Variants in PAM16 observed in about 807,000 individuals in gnomAD.
The protein encoded by PAM16 is presequence translocase associated motor 16.
In PAM16, 11 loss-of-function variants were observed where a neutral mutation model predicts 17.9. The observed-to-expected ratio is 0.62, with a 90% CI of 0.39 to 1.02. The LOEUF (loss-of-function observed/expected upper bound fraction) is 1.02. Among genes scored for constraint, PAM16 ranks in the 50% least tolerant of loss-of-function variants. The pLI, the probability that PAM16 is intolerant of heterozygous loss-of-function variation, is 0.01. For synonymous variants in PAM16, 72 were observed against 67.4 expected, an observed-to-expected ratio of 1.07 and a Z score of -0.34; for missense variants, 199 against 165.4, an observed-to-expected ratio of 1.20 and a Z score of -1.11.
chr16:4,341,552 C>A (rs1290767871), intron 2 of PAM16, 48 bp from the exon 3 acceptor site: 2 of 1,550,140 alleles, frequency 1.3e-6, no homozygotes, highest in African/African-American at 2.7e-5. Flanking sequence ...GCCCACACTT[C>A]ACCCTGGGCC....
intron 1 of PAM16, 97 bp downstream of exon 1, chr16:4,351,135 A>ACGGCGCC (rs1387328539): frequency 1.9e-5 from 12 of 634,122 alleles, no homozygotes; most frequent in Non-Finnish European, 2.7e-5. Context: ...CAGGGGGCGC[A>ACGGCGCC]CGGCGCCCGC....
Position 4,340,399 on chromosome 16 carries a change from G to A in PAM16, c.298C>T (p.Arg100Cys), listed in dbSNP as rs558716310. 23 of 1,611,816 alleles carry A rather than the reference G, an allele frequency of 1.4e-5. No individual in the cohort carries two copies. Among genetic ancestry groups the A allele is most frequent in the South Asian group, 4.4e-5 (4 of 91,070 alleles). Residue 100 changes from arginine to cysteine, a missense_variant, in exon 5 of 5, where the codon CGC (arginine) becomes TGC (cysteine). Arg to Cys is a radical substitution (Grantham distance 180, BLOSUM62 -3). Coordinates refer to ENST00000318059, the MANE Select transcript of PAM16 (RefSeq NM_016069.11). ...GSFYLQSKVV[R>C]AKERLDEELK... ...TCCTCATCCAGGCGCTCCTTTGCGC[G>A]GACCACCTAGTGGGTCACGGATAAT...
intron 2 of PAM16, among the ~76,000 whole-genome samples, chr16:4,342,392 C>T (rs1468351081): frequency 1.3e-5 from 2 of 151,678 alleles, no homozygotes; most frequent in East Asian, 1.9e-4. Context: ...CGGTGGCTCA[C>T]GCCTGTAATC....
At position 4,340,308 on chromosome 16, in the gene PAM16, G is replaced by C. The variant is rs754948190; in HGVS notation, c.*11C>G. The C allele has an allele frequency of 1.2e-6, 2 of 1,605,826 alleles. No individual in the cohort carries two copies. Among genetic ancestry groups the C allele is most frequent in the East Asian group, 4.5e-5 (2 of 44,660 alleles). On this transcript the variant is annotated 3_prime_UTR_variant, in exon 5 of 5. Transcript: ENST00000318059. The stretch of plus-strand genomic sequence containing the variant: ...TTAGAGGCGGCGGGGTGGGCGGGGG[G>C]AGCCGAGCAGTCACGTATGGGGCAT...
At position 4,350,296 on chromosome 16, in the gene PAM16, ATG is replaced by A. The variant is rs201469434; in HGVS notation, c.3+934_3+935del. Among the ~76,000 whole-genome samples the A allele has an allele frequency of 3.8e-4, 57 of 149,580 alleles. 1 individual carries two copies. Among genetic ancestry groups the A allele is most frequent in the Non-Finnish European group, 1.9e-4 (13 of 67,556 alleles). ...TGCCTGGCTAACATATGTATATATTATGTGTGTGTGTGTGTATATATATATAT... is the reference window on the plus strand; with the variant it reads ...TGCCTGGCTAACATATGTATATATTATGTGTGTGTGTGTATATATATATAT... On this transcript the variant is annotated intron_variant, in intron 1 of 4. Coordinates refer to ENST00000318059, the MANE Select transcript of PAM16 (RefSeq NM_016069.11).
chr16:4,345,886 C>T, intron 1 of PAM16: 3 of 985,224 alleles, frequency 3.0e-6, no homozygotes, highest in Non-Finnish European at 3.6e-6. Flanking sequence ...GTCAGAGGGT[C>T]CCCTCGGCTT....
rs146827390 is a variant in PAM16 at position 4,343,771 on chromosome 16, G to T, written c.4-480C>A. 2,089 of 409,268 alleles carry T rather than the reference G, an allele frequency of 5.1e-3. 9 individuals carry two copies. The highest frequency in any genetic ancestry group is 9.6e-3 in the Admixed American group (224 of 23,344). The allele number at this position is 409,268 out of a possible 1,614,324, so 25.4% of individuals were successfully genotyped here. ...GATCTGTCCTAATTCTCCCAAGTCC[G>T]AAGACTTTAAGTCCATTCCATTCAA... On this transcript the variant is annotated intron_variant, in intron 1 of 4. Coordinates refer to ENST00000318059, the MANE Select transcript of PAM16 (RefSeq NM_016069.11).
chr16:4,346,486 A>G (rs1410020004), intron 1 of PAM16, among the ~76,000 whole-genome samples: 1 of 152,222 alleles, frequency 6.6e-6, no homozygotes, highest in Non-Finnish European at 1.5e-5. Context: ...TGAAGTAACA[A>G]AGCTTCTTTC....
At chr16:4,341,870 C>A (rs754314492) in intron 2 of PAM16, among the ~76,000 whole-genome samples, 1 of 152,186 alleles carries the variant, frequency 6.6e-6, no homozygotes, top group Non-Finnish European at 1.5e-5. Flanking sequence ...GAGGGCTCTG[C>A]AGGGGCCCAG....
intron 1 of PAM16, 40 bp downstream of exon 1, chr16:4,351,192 T>G: frequency 2.3e-6 from 3 of 1,287,630 alleles, no homozygotes; most frequent in Non-Finnish European, 3.0e-6. Flanking sequence ...CCGGCCCGAC[T>G]CGGCTTCCCC....
Position 4,340,418 on chromosome 16 carries a change from G to A in PAM16, c.292-13C>T, listed in dbSNP as rs369043553. On this transcript the variant is annotated splice_polypyrimidine_tract_variant and intron_variant, in intron 4 of 4. Transcript: ENST00000318059. ...TTGCGCGGACCACCTAGTGGGTCAC[G>A]GATAATCAGGCCGGGAGGCCAAGCC... 19 of 1,609,254 alleles carry A rather than the reference G, an allele frequency of 1.2e-5. No individual in the cohort carries two copies. Among genetic ancestry groups the A allele is most frequent in the Non-Finnish European group, 1.4e-5 (16 of 1,178,636 alleles).
chr16:4,349,373 G>C (rs2053811277), intron 1 of PAM16, among the ~76,000 whole-genome samples: 2 of 152,148 alleles, frequency 1.3e-5, no homozygotes. Context: ...TTTGAGACCA[G>C]CCTGGCAACA....
At chr16:4,341,317 C>A in intron 3 of PAM16, 51 bp downstream of exon 3, 1 of 1,538,286 alleles carries the variant, frequency 6.5e-7, no homozygotes, top group Non-Finnish European at 8.8e-7. Context: ...TCACTCTTCC[C>A]ACCCTGGCAG....
intron 2 of PAM16, chr16:4,341,758 C>A (rs2053651754): frequency 1.8e-6 from 1 of 564,914 alleles, no homozygotes; most frequent in East Asian, 3.1e-5. Flanking sequence ...CCAACCTAGA[C>A]CATGAGATGA....
intron 1 of PAM16, among the ~76,000 whole-genome samples, chr16:4,350,399 CATATAT>C (rs1235676971): frequency 6.7e-6 from 1 of 149,908 alleles, no homozygotes; most frequent in East Asian, 1.9e-4. Flanking sequence ...ATATATAATA[CATATAT>C]ATAATTTTTT....
intron 4 of PAM16, 81 bp from the exon 5 acceptor site, chr16:4,340,486 T>G: frequency 6.8e-7 from 1 of 1,477,206 alleles, no homozygotes; most frequent in Non-Finnish European, 9.2e-7. Flanking sequence ...CCTATTCCCA[T>G]CAGCCCAGGT....
rs535980634 is a variant in PAM16 at position 4,343,192 on chromosome 16, C to T, written c.88+15G>A. The T allele has an allele frequency of 8.1e-6, 13 of 1,612,524 alleles. No homozygotes were observed. Among genetic ancestry groups the T allele is most frequent in the South Asian group, 5.5e-5 (5 of 91,074 alleles). On this transcript the variant is annotated intron_variant, in intron 2 of 4. Coordinates refer to ENST00000318059, the MANE Select transcript of PAM16 (RefSeq NM_016069.11). The stretch of plus-strand genomic sequence containing the variant: ...AGGAACTCCCAGCCCACAGGGGAGA[C>T]GGACCCATGCTTACCTGCAAACTCC...
chr16:4,343,189 A>C lies in PAM16; in HGVS notation c.88+18T>G, dbSNP rs1596249580. On this transcript the variant is annotated intron_variant, in intron 2 of 4. Coordinates refer to ENST00000318059, the MANE Select transcript of PAM16 (RefSeq NM_016069.11). ...GAGAGGAACTCCCAGCCCACAGGGG[A>C]GACGGACCCATGCTTACCTGCAAAC... 2 of 1,612,164 alleles carry C rather than the reference A, an allele frequency of 1.2e-6. No individual in the cohort carries two copies. The highest frequency in any genetic ancestry group is 4.5e-5 in the East Asian group (2 of 44,868).
At chr16:4,342,593 GC>G (rs2053665938) in intron 2 of PAM16, among the ~76,000 whole-genome samples, 1 of 151,748 alleles carries the variant, frequency 6.6e-6, no homozygotes, top group Non-Finnish European at 1.5e-5. Flanking sequence ...GGCAGAGGTT[GC>G]AGTGAGCCAA....
Sources: gnomAD v4.1 joint callset for allele counts (sites outside exome capture counted in the v4.1 genomes callset) on GRCh38, gnomAD v4.1.1 for gene constraint, MANE v1.5 for transcripts, NCBI Gene and HGNC (gene_info 2026-07-23, HGNC 2026-07-21) for gene names.